ASRGL1: variants seen among roughly 807,000 people sequenced by gnomAD.
The protein encoded by ASRGL1 is asparaginase and isoaspartyl peptidase 1, also known as isoaspartyl peptidase/L-asparaginase.
ASRGL1 carries 16 observed loss-of-function variants against 22.4 expected under a neutral mutation model. That is an observed-to-expected ratio of 0.71 (90% CI 0.48 to 1.08). The LOEUF is 1.08. ASRGL1 is among the 50% of genes least tolerant of loss of function. ASRGL1 has a pLI of 0.00. For synonymous variants in ASRGL1, 165 were observed against 159.3 expected (o/e 1.04, Z -0.27); for missense variants, 412 against 410.1 (o/e 1.00, Z -0.04).
At chr11:62,348,810 A>G (rs1160652757) in intron 2 of ASRGL1, among the ~76,000 whole-genome samples, 1 of 152,172 alleles carries the variant, frequency 6.6e-6, no homozygotes, top group Non-Finnish European at 1.5e-5. Flanking sequence ...AGGTGGAGCC[A>G]TGCATGTCAG....
At chr11:62,341,334 G>T (rs1375307376) in intron 2 of ASRGL1, among the ~76,000 whole-genome samples, 1 of 151,802 alleles carries the variant, frequency 6.6e-6, no homozygotes, top group Non-Finnish European at 1.5e-5. Context: ...GAGTAGCTGG[G>T]ACTATAGGCA....
chr11:62,362,871 C>T (rs2134631986), intron 4 of ASRGL1, among the ~76,000 whole-genome samples: 1 of 86,248 alleles, frequency 1.2e-5, no homozygotes, highest in Middle Eastern at 8.5e-3. Flanking sequence ...TATGTGGCTA[C>T]TTCACCTTTA....
At chr11:62,390,452 G>C (rs1423001349) in intron 5 of ASRGL1, among the ~76,000 whole-genome samples, 1 of 152,200 alleles carries the variant, frequency 6.6e-6, no homozygotes, top group Non-Finnish European at 1.5e-5. Context: ...AGTGCATGTG[G>C]CGGGGAGGAC....
Position 62,364,856 on chromosome 11 carries a change from G to A in ASRGL1, c.491+7712G>A, listed in dbSNP as rs554335229. 1.1e-4 allele frequency among the ~76,000 whole-genome samples: 16 copies of A among 151,686 alleles called. No homozygotes were observed. The South Asian group carries it at 2.3e-3, about 22-fold the overall frequency. On this transcript the variant is annotated intron_variant, in intron 4 of 6. Transcript: ENST00000415229. The stretch of plus-strand genomic sequence containing the variant: ...GGCTGAGGCGGGCAGATCACCTGAG[G>A]TCAGGAGTTCAAGACCAGCCTGGCC...
At chr11:62,352,394 TG>T (rs1946188537) in intron 2 of ASRGL1, among the ~76,000 whole-genome samples, 1 of 152,160 alleles carries the variant, frequency 6.6e-6, no homozygotes, top group Non-Finnish European at 1.5e-5. Flanking sequence ...GAGACCAGCC[TG>T]ACCAACATGG....
At chr11:62,361,592 A>C (rs1946435873) in intron 4 of ASRGL1, among the ~76,000 whole-genome samples, 1 of 146,710 alleles carries the variant, frequency 6.8e-6, no homozygotes, top group Non-Finnish European at 1.5e-5. Flanking sequence ...GGTTCAAGAG[A>C]TTCTTCTGCC....
At chr11:62,372,815 T>C (rs974701782) in intron 4 of ASRGL1, 9 of 1,596,984 alleles carry the variant, frequency 5.6e-6, no homozygotes, top group Non-Finnish European at 7.7e-6. Flanking sequence ...GTGAAGTGGG[T>C]GGTCTGTTTT....
chr11:62,391,714 T>C (rs879292179), intron 6 of ASRGL1, 82 bp downstream of exon 6: 2 of 1,442,346 alleles, frequency 1.4e-6, no homozygotes, highest in Admixed American at 2.5e-5. Context: ...CATGGAGAAG[T>C]GTAGGAAACC....
At chr11:62,372,107 AC>A in intron 4 of ASRGL1, 1 of 786,396 alleles carries the variant, frequency 1.3e-6, no homozygotes, top group Non-Finnish European at 2.3e-6. Context: ...CCTCCTCATC[AC>A]CACAGAAGGA....
chr11:62,389,656 T>C, intron 5 of ASRGL1: 1 of 340,708 alleles, frequency 2.9e-6, no homozygotes, highest in South Asian at 2.4e-5. Flanking sequence ...GAGACTGCAG[T>C]TGTTAGATCT....
At chr11:62,360,297 G>A (rs1946402595) in intron 4 of ASRGL1, among the ~76,000 whole-genome samples, 1 of 150,420 alleles carries the variant, frequency 6.6e-6, no homozygotes, top group African/African-American at 2.4e-5. Context: ...CAAAGTGCTA[G>A]GATTATAGGT....
At chr11:62,355,896 T>A (rs1162991256) in intron 2 of ASRGL1, among the ~76,000 whole-genome samples, 2 of 152,188 alleles carry the variant, frequency 1.3e-5, no homozygotes, top group Admixed American at 1.3e-4. Context: ...CATTCAACCC[T>A]GAGTGGACAC....
chr11:62,342,034 A>G (rs1945876434), intron 2 of ASRGL1, among the ~76,000 whole-genome samples: 1 of 152,240 alleles, frequency 6.6e-6, no homozygotes, highest in African/African-American at 2.4e-5. Flanking sequence ...TTTTGTCCCA[A>G]GAGTATACTG....
At position 62,372,500 on chromosome 11, in the gene ASRGL1, G is replaced by A. The variant is rs1407106950; in HGVS notation, c.491+15356G>A. On this transcript the variant is annotated intron_variant, in intron 4 of 6. Coordinates refer to ENST00000415229, the MANE Select transcript of ASRGL1 (RefSeq NM_001083926.2). ...AACTCAGATGGGAAGTTCATTGCCC[G>A]GGCACAGCAGATAGAGTATGACTGC... 1.7e-5 allele frequency: 20 copies of A among 1,204,302 alleles called. 1 individual carries two copies. The highest frequency in any genetic ancestry group is 6.8e-5 in the Admixed American group (4 of 59,222). The allele number at this position is 1,204,302 out of a possible 1,614,324, so 74.6% of individuals were successfully genotyped here. A position where few individuals can be genotyped will look rare whatever the true frequency, so the allele number is the denominator to read the frequency against.
intron 2 of ASRGL1, among the ~76,000 whole-genome samples, chr11:62,347,207 T>C (rs1946048360): frequency 6.6e-6 from 1 of 152,210 alleles, no homozygotes. Flanking sequence ...AGGACCCCTC[T>C]GGACTATAGT....
intron 5 of ASRGL1, 58 bp from the exon 6 acceptor site, chr11:62,391,464 A>C (rs1482674589): frequency 3.6e-5 from 56 of 1,548,898 alleles, no homozygotes; most frequent in Non-Finnish European, 4.5e-5. Flanking sequence ...TCCGACTTCT[A>C]ATATGGATTT....
intron 4 of ASRGL1, among the ~76,000 whole-genome samples, chr11:62,361,151 A>G (rs1946422845): frequency 6.6e-6 from 1 of 152,170 alleles, no homozygotes; most frequent in South Asian, 2.1e-4. Context: ...AATCATTTGT[A>G]AAAATTTTTT....
chr11:62,337,743 C>T, intron 1 of ASRGL1, 147 bp from the exon 2 acceptor site: 4 of 445,916 alleles, frequency 9.0e-6, no homozygotes, highest in Non-Finnish European at 1.6e-5. Flanking sequence ...ACTGAGACCC[C>T]CAGCAGGTCC....
At position 62,372,241 on chromosome 11, in the gene ASRGL1, G is replaced by A. The variant is rs1946792425; in HGVS notation, c.491+15097G>A. The A allele has an allele frequency of 4.1e-6, 6 of 1,460,214 alleles. No homozygotes were observed. In the East Asian group the frequency reaches 9.1e-5, roughly 22 times the overall value. 90.5% of individuals were successfully genotyped at this position (1,460,214 alleles called of 1,614,324 possible). ...AAGTGATTGTGTGCAGCGTGTGCGC[G>A]GAACCACACCTTGGCCTTGACGGAA... On this transcript the variant is annotated intron_variant, in intron 4 of 6. Transcript: ENST00000415229.
Sources: gnomAD v4.1 joint callset for allele counts (sites outside exome capture counted in the v4.1 genomes callset) on GRCh38, gnomAD v4.1.1 for gene constraint, MANE v1.5 for transcripts, NCBI Gene and HGNC (gene_info 2026-07-23, HGNC 2026-07-21) for gene names.